Variants in TRPM3 observed in about 807,000 individuals in gnomAD.
TRPM3 encodes the protein transient receptor potential cation channel subfamily M member 3.
A neutral mutation model predicts 181.2 loss-of-function variants in TRPM3; 77 were observed. That is an observed-to-expected ratio of 0.42 (90% CI 0.35 to 0.51). The LOEUF is 0.51. TRPM3 is among the 20% of genes least tolerant of loss of function. The pLI is 0.01. For missense variants in TRPM3, 1,759 were observed against 2,196.7 expected, an observed-to-expected ratio of 0.80 and a Z score of 3.98; for synonymous variants, 745 against 796.4, an observed-to-expected ratio of 0.94 and a Z score of 1.09.
chr9:71,043,305 T>C (rs1046633047), intron 1 of TRPM3, among the ~76,000 whole-genome samples: 1 of 152,144 alleles, frequency 6.6e-6, no homozygotes, highest in African/African-American at 2.4e-5. Flanking sequence ...GAGGTTGAAA[T>C]TGGGGGCAGT....
intron 1 of TRPM3, among the ~76,000 whole-genome samples, chr9:71,340,857 G>A (rs1444306359): frequency 6.6e-6 from 1 of 152,022 alleles, no homozygotes; most frequent in African/African-American, 2.4e-5. Flanking sequence ...GGTCATTCTA[G>A]AGGAAGAACA....
chr9:70,852,403 CT>C (rs1406812661), intron 3 of TRPM3, among the ~76,000 whole-genome samples: 1 of 152,070 alleles, frequency 6.6e-6, no homozygotes, highest in Non-Finnish European at 1.5e-5. Flanking sequence ...CTCCAGGGCC[CT>C]TTCTCTTTAC....
At chr9:70,998,298 C>T (rs2134204616) in intron 1 of TRPM3, among the ~76,000 whole-genome samples, 1 of 149,988 alleles carries the variant, frequency 6.7e-6, no homozygotes, top group Non-Finnish European at 1.5e-5. Context: ...CTGACATAAC[C>T]TCTTTTACCA....
intron 1 of TRPM3, among the ~76,000 whole-genome samples, chr9:71,083,909 C>T (rs769171107): frequency 6.6e-6 from 1 of 151,722 alleles, no homozygotes; most frequent in Non-Finnish European, 1.5e-5. Context: ...CCAACTTTTT[C>T]TTCCAAGTAG....
intron 1 of TRPM3, among the ~76,000 whole-genome samples, chr9:70,902,991 T>G (rs979816648): frequency 2.6e-5 from 4 of 152,092 alleles, no homozygotes; most frequent in African/African-American, 9.7e-5. Context: ...GCATCGTGTG[T>G]TTTGCTGTAA....
intron 9 of TRPM3, among the ~76,000 whole-genome samples, chr9:70,657,830 G>T (rs1179331736): frequency 6.6e-6 from 1 of 152,088 alleles, no homozygotes; most frequent in African/African-American, 2.4e-5. Context: ...CTGCATTCTG[G>T]AGACACAGGG....
At chr9:70,652,317 T>C (rs547269825) in intron 9 of TRPM3, among the ~76,000 whole-genome samples, 8 of 151,810 alleles carry the variant, frequency 5.3e-5, no homozygotes, top group African/African-American at 1.7e-4. Flanking sequence ...CCCGAGGGAG[T>C]TGTCCAGTAG....
intron 1 of TRPM3, among the ~76,000 whole-genome samples, chr9:71,053,259 C>T (rs2060270564): frequency 6.6e-6 from 1 of 151,956 alleles, no homozygotes; most frequent in South Asian, 2.1e-4. Context: ...GACGATGACG[C>T]CATGCTAGGC....
At chr9:71,351,727 G>A (rs1450799894) in intron 1 of TRPM3, among the ~76,000 whole-genome samples, 1 of 152,102 alleles carries the variant, frequency 6.6e-6, no homozygotes, top group Non-Finnish European at 1.5e-5. Flanking sequence ...ATATATATTT[G>A]TTGGGTTATG....
chr9:70,552,830 C>T lies in TRPM3; in HGVS notation c.3574+14G>A, dbSNP rs766003460. The T allele has an allele frequency of 3.1e-6, 5 of 1,613,098 alleles. No homozygotes were observed. Among genetic ancestry groups the T allele is most frequent in the African/African-American group, 1.3e-5 (1 of 74,890 alleles). ...TTCTGATTTGTGGCAGCTCGGCTGT[C>T]GCTTGAAGCTTACTCAGGCCGTAGT... On this transcript the variant is annotated intron_variant, in intron 24 of 25. Transcript: ENST00000677713.
chr9:70,833,706 G>A lies in TRPM3; in HGVS notation c.802-5688C>T, dbSNP rs572706461. On this transcript the variant is annotated intron_variant, in intron 5 of 25. Coordinates refer to ENST00000677713, the MANE Select transcript of TRPM3 (RefSeq NM_001366145.2). ...GGATATTAGGGTTGGTTTTGCTGCT[G>A]GACATTTTTATCAGTGGCTCAGCTG... is the stretch of plus-strand genomic sequence containing the variant. Among the ~76,000 whole-genome samples the A allele has an allele frequency of 1.3e-3, 204 of 152,268 alleles. 1 individual carries two copies. The highest frequency in any genetic ancestry group is 4.3e-3 in the African/African-American group (178 of 41,566).
chr9:71,393,923 C>T (rs759880860), intron 1 of TRPM3, among the ~76,000 whole-genome samples: 15 of 152,012 alleles, frequency 9.9e-5, no homozygotes, highest in Admixed American at 3.3e-4. Context: ...ATTCATAGTC[C>T]GGGATTTATA....
intron 1 of TRPM3, among the ~76,000 whole-genome samples, chr9:71,301,198 C>T (rs916268034): frequency 2.6e-5 from 4 of 152,126 alleles, no homozygotes; most frequent in African/African-American, 7.2e-5. Context: ...GAGATCTCAC[C>T]TCATTCATCT....
intron 1 of TRPM3, among the ~76,000 whole-genome samples, chr9:71,033,748 T>C (rs1210117520): frequency 6.6e-6 from 1 of 152,214 alleles, no homozygotes; most frequent in Non-Finnish European, 1.5e-5. Flanking sequence ...TACATTTCTA[T>C]GATTATCATA....
chr9:71,395,379 T>C (rs2093166059), intron 1 of TRPM3, among the ~76,000 whole-genome samples: 1 of 152,216 alleles, frequency 6.6e-6, no homozygotes, highest in Non-Finnish European at 1.5e-5. Context: ...TGATAAATGC[T>C]ATCATGTAGG....
chr9:70,987,067 A>C (rs573683684), intron 1 of TRPM3, among the ~76,000 whole-genome samples: 2 of 152,048 alleles, frequency 1.3e-5, no homozygotes, highest in East Asian at 3.9e-4. Flanking sequence ...TTTAAAGTAA[A>C]CATATTCAGC....
At chr9:71,326,020 T>C (rs2089657983) in intron 1 of TRPM3, among the ~76,000 whole-genome samples, 1 of 152,234 alleles carries the variant, frequency 6.6e-6, no homozygotes, top group Non-Finnish European at 1.5e-5. Context: ...TGATGTGATA[T>C]GAACATTGCA....
chr9:70,841,369 A>G, intron 5 of TRPM3, among the ~76,000 whole-genome samples: 1 of 152,008 alleles, frequency 6.6e-6, no homozygotes, highest in Non-Finnish European at 1.5e-5. Flanking sequence ...CTGACATCTC[A>G]TTCCTTATCC....
At chr9:70,564,271 A>G (rs1411798837) in intron 22 of TRPM3, among the ~76,000 whole-genome samples, 1 of 152,094 alleles carries the variant, frequency 6.6e-6, no homozygotes, top group Non-Finnish European at 1.5e-5. Context: ...GAAAACATAA[A>G]ATAAGTTACT....
Sources: gnomAD v4.1 joint callset for allele counts (sites outside exome capture counted in the v4.1 genomes callset) on GRCh38, gnomAD v4.1.1 for gene constraint, MANE v1.5 for transcripts, NCBI Gene and HGNC (gene_info 2026-07-23, HGNC 2026-07-21) for gene names.